Variants in SMARCA2 observed in about 807,000 individuals in gnomAD.
The protein encoded by SMARCA2 is SWI/SNF related BAF chromatin remodeling complex subunit ATPase 2, also known as SWI/SNF-related matrix-associated actin-dependent regulator of chromatin subfamily A member 2.
A neutral mutation model predicts 199.8 loss-of-function variants in SMARCA2; 61 were observed. That is an observed-to-expected ratio of 0.31 (90% CI 0.25 to 0.38). The LOEUF is 0.38. Among genes scored for constraint, SMARCA2 ranks in the 10% least tolerant of loss-of-function variants. The probability of loss-of-function intolerance (pLI) is 1.00; values close to 1 mark genes in which losing one functional copy is unlikely to be tolerated. For missense variants in SMARCA2, 1,344 were observed against 2,012.2 expected (o/e 0.67, Z 6.35); for synonymous variants, 935 against 732.0 (o/e 1.28, Z -4.48).
At position 2,186,446 on chromosome 9, in the gene SMARCA2, G is replaced by C. The variant is rs1424732349; in HGVS notation, c.4594+218G>C. Among the ~76,000 whole-genome samples, 5 of 152,194 alleles carry C rather than the reference G, an allele frequency of 3.3e-5. No homozygotes were observed. In the East Asian group the frequency reaches 9.6e-4, roughly 29 times the overall value. ...CTGAGGTCATAAAAATGACCTCCAA[G>C]CATGTAAAATGTTTAGCATAGGCTG... On this transcript the variant is annotated intron_variant, in intron 32 of 33. Transcript: ENST00000349721.
At chr9:2,171,013 G>A (rs1826222386) in intron 29 of SMARCA2, among the ~76,000 whole-genome samples, 1 of 152,122 alleles carries the variant, frequency 6.6e-6, no homozygotes, top group African/African-American at 2.4e-5. Context: ...TGTGACTCCT[G>A]GGCCTACCTG....
At position 2,069,178 on chromosome 9, in the gene SMARCA2, A is replaced by C. The variant is rs943751262; in HGVS notation, c.1693-1240A>C. Reference sequence around the variant, plus strand: ...TGATCTGCCCGCCTCGGCCTCTCAAAGTGCTGGGATTACAGGCCTGAGCCA... The same window carrying C: ...TGATCTGCCCGCCTCGGCCTCTCAACGTGCTGGGATTACAGGCCTGAGCCA... On this transcript the variant is annotated intron_variant, in intron 9 of 33. Coordinates refer to ENST00000349721, the MANE Select transcript of SMARCA2 (RefSeq NM_003070.5). 6 of 151,674 alleles carry C rather than the reference A, an allele frequency of 4.0e-5. No individual in the cohort carries two copies. The Admixed American group carries it at 4.0e-4, about 10-fold the overall frequency. 9.4% of individuals were successfully genotyped at this position (151,674 alleles called of 1,614,324 possible).
At chr9:2,137,119 C>T (rs771227511) in intron 27 of SMARCA2, among the ~76,000 whole-genome samples, 3 of 152,182 alleles carry the variant, frequency 2.0e-5, no homozygotes, top group Non-Finnish European at 4.4e-5. Context: ...ATGTACAGCA[C>T]GGCCCATTCA....
At chr9:2,136,228 C>G (rs1824190406) in intron 27 of SMARCA2, among the ~76,000 whole-genome samples, 1 of 149,928 alleles carries the variant, frequency 6.7e-6, no homozygotes, top group Non-Finnish European at 1.5e-5. Context: ...CAATCTGTTG[C>G]CCCGGCTGGA....
At chr9:2,111,491 CAAA>C (rs148112929) in intron 24 of SMARCA2, among the ~76,000 whole-genome samples, 1,689 of 86,966 alleles carry the variant, frequency 0.019, 29 homozygotes, top group African/African-American at 0.057. Flanking sequence ...GACCGTGTCT[CAAA>C]AAAAAAAAAA....
intron 31 of SMARCA2, among the ~76,000 whole-genome samples, chr9:2,184,901 C>G (rs961958825): frequency 6.6e-6 from 1 of 152,098 alleles, no homozygotes; most frequent in African/African-American, 2.4e-5. Context: ...TACTCACTGC[C>G]TATATTGTTC....
At chr9:2,091,857 T>C (rs1822076307) in intron 19 of SMARCA2, among the ~76,000 whole-genome samples, 1 of 152,220 alleles carries the variant, frequency 6.6e-6, no homozygotes, top group Admixed American at 6.5e-5. Context: ...CTAATATTGT[T>C]GAGCATCTTT....
intron 23 of SMARCA2, among the ~76,000 whole-genome samples, chr9:2,105,372 A>G (rs147483422): frequency 0.067 from 10,084 of 151,584 alleles, 981 homozygotes; most frequent in African/African-American, 0.22. Context: ...CAGCCTCCCG[A>G]GTAGCTGGGA....
chr9:2,034,991 A>G (rs1423162409), intron 3 of SMARCA2, among the ~76,000 whole-genome samples: 1 of 151,810 alleles, frequency 6.6e-6, no homozygotes, highest in East Asian at 1.9e-4. Flanking sequence ...AAGTATGTTC[A>G]TGGAGCTAAT....
intron 9 of SMARCA2, among the ~76,000 whole-genome samples, chr9:2,068,705 C>G (rs1820951835): frequency 6.6e-6 from 1 of 150,874 alleles, no homozygotes; most frequent in Admixed American, 6.6e-5. Context: ...AGCATCTTGG[C>G]AAAGGAAATG....
At chr9:2,156,865 TC>T (rs1825392438) in intron 27 of SMARCA2, among the ~76,000 whole-genome samples, 1 of 152,202 alleles carries the variant, frequency 6.6e-6, no homozygotes, top group African/African-American at 2.4e-5. Flanking sequence ...AAGCACTAAC[TC>T]CCCGGCCGTC....
rs139219554 is a variant in SMARCA2, at chr9:2,102,428, C to T, written c.3125+812C>T. Reference sequence around the variant, plus strand: ...AGTTCTCAGAGTGGAGGATGGATGTCGGGAAGACATACGTTTGAAAATGTG... The same window carrying T: ...AGTTCTCAGAGTGGAGGATGGATGTTGGGAAGACATACGTTTGAAAATGTG... On this transcript the variant is annotated intron_variant, in intron 22 of 33. Transcript: ENST00000349721. Among the ~76,000 whole-genome samples, 1,046 of 152,182 alleles carry T rather than the reference C, an allele frequency of 6.9e-3. 14 individuals are homozygous for T. Among genetic ancestry groups the T allele is most frequent in the African/African-American group, 0.024 (999 of 41,498 alleles).
intron 4 of SMARCA2, chr9:2,041,349 C>G (rs1334336942): frequency 7.5e-6 from 3 of 398,474 alleles, no homozygotes; most frequent in Non-Finnish European, 8.8e-6. Flanking sequence ...GCTGGGAATT[C>G]CAACCTCAAA....
chr9:2,054,237 T>G (rs538731979), intron 5 of SMARCA2, among the ~76,000 whole-genome samples: 19 of 152,360 alleles, frequency 1.2e-4, no homozygotes, highest in South Asian at 1.0e-3. Flanking sequence ...GCATTCTGTC[T>G]GGCTGGGAGT....
chr9:2,085,200 ACT>A (rs1366356709), intron 17 of SMARCA2, among the ~76,000 whole-genome samples: 1 of 152,156 alleles, frequency 6.6e-6, no homozygotes, highest in Non-Finnish European at 1.5e-5. Flanking sequence ...ACCTCCTCAC[ACT>A]CAGAGATGAA....
intron 27 of SMARCA2, among the ~76,000 whole-genome samples, chr9:2,125,966 T>C (rs905485423): frequency 6.6e-6 from 1 of 152,254 alleles, no homozygotes; most frequent in African/African-American, 2.4e-5. Context: ...GTTTAAGATA[T>C]CTGTTTTGTT....
intron 28 of SMARCA2, among the ~76,000 whole-genome samples, chr9:2,166,887 T>TATCA (rs1474980664): frequency 6.6e-6 from 1 of 152,210 alleles, no homozygotes; most frequent in Non-Finnish European, 1.5e-5. Context: ...CTTTCCAATC[T>TATCA]ATCACCCTAG....
At chr9:2,168,665 T>G (rs563116697) in intron 28 of SMARCA2, among the ~76,000 whole-genome samples, 7 of 152,390 alleles carry the variant, frequency 4.6e-5, no homozygotes, top group Admixed American at 3.9e-4. Context: ...ACTGTCTTTC[T>G]AAAATAAGTT....
chr9:2,039,775 A>G lies in SMARCA2; in HGVS notation c.665A>G (p.Gln222Arg). 1.2e-6 allele frequency: 2 copies of G among 1,602,270 alleles called. No homozygotes were observed. The highest frequency in any genetic ancestry group is 1.7e-6 in the Non-Finnish European group (2 of 1,176,024). Residue 222 changes from glutamine (Q) to arginine (R), a missense_variant, in exon 4 of 34, where the codon CAA becomes CGA. Around this residue, in one of 18 missense-constraint regions of SMARCA2, gnomAD observed 24 missense variants for 53.7 expected, o/e 0.45. Transcript: ENST00000349721. The surrounding 1 kb of genome is among the most constrained non-coding windows in gnomAD (Gnocchi z 4.8). The part of the protein sequence containing the change: ...LPGLQQQQQQ[Q>R]QQQQQQQQQQ... ...GGCTTGCAGCAACAACAGCAGCAGC[A>G]ACAGCAGCAGCAGCAGCAGCAGCAG...
Sources: gnomAD v4.1 joint callset for allele counts (sites outside exome capture counted in the v4.1 genomes callset) on GRCh38, gnomAD v4.1.1 for gene constraint, gnomAD v4.1.1 regional missense constraint, Gnocchi (gnomAD v3.1) non-coding constraint, MANE v1.5 for transcripts, NCBI Gene and HGNC (gene_info 2026-07-23, HGNC 2026-07-21) for gene names.